Variants in ANKRD42 observed in about 807,000 individuals in gnomAD.
ANKRD42 encodes ankyrin repeat domain-containing protein 42.
ANKRD42 carries 43 observed loss-of-function variants against 51.5 expected under a neutral mutation model. That is an observed-to-expected ratio of 0.83 (90% CI 0.65 to 1.08). ANKRD42 has a LOEUF of 1.08. Among genes scored for constraint, ANKRD42 ranks in the 50% least tolerant of loss-of-function variants. The pLI, the probability that ANKRD42 is intolerant of heterozygous loss-of-function variation, is 0.00. For missense variants in ANKRD42, 608 were observed against 629.3 expected, an observed-to-expected ratio of 0.97 and a Z score of 0.36; for synonymous variants, 203 against 213.0, an observed-to-expected ratio of 0.95 and a Z score of 0.41.
chr11:83,230,255 G>C (rs1028198356), intron 7 of ANKRD42, among the ~76,000 whole-genome samples: 5 of 152,124 alleles, frequency 3.3e-5, no homozygotes, highest in African/African-American at 1.2e-4. Flanking sequence ...GTTTTGCCAT[G>C]TTGCCCAGGC....
chr11:83,204,069 A>G (rs1439240526), intron 2 of ANKRD42, among the ~76,000 whole-genome samples: 2 of 152,042 alleles, frequency 1.3e-5, no homozygotes, highest in African/African-American at 2.4e-5. Flanking sequence ...CAGCCTCTTG[A>G]GTGGCTGGTA....
intron 5 of ANKRD42, among the ~76,000 whole-genome samples, chr11:83,212,197 C>G (rs867793081): frequency 1.3e-5 from 2 of 152,200 alleles, no homozygotes; most frequent in Middle Eastern, 3.4e-3. Flanking sequence ...ATTCTTATGC[C>G]TCAGCGTCCT....
intron 5 of ANKRD42, among the ~76,000 whole-genome samples, chr11:83,220,162 G>T (rs1862673860): frequency 6.6e-6 from 1 of 152,162 alleles, no homozygotes; most frequent in Admixed American, 6.5e-5. Context: ...AGCACTCCCA[G>T]GTGTATTTTG....
downstream of ANKRD42, chr11:83,261,055 A>T (rs1278402): frequency 6.6e-6 from 1 of 152,074 alleles, no homozygotes; most frequent in Non-Finnish European, 1.5e-5. Context: ...AACTCTACAG[A>T]TTTCATATTA....
intron 5 of ANKRD42, among the ~76,000 whole-genome samples, chr11:83,224,107 C>T (rs1862800822): frequency 1.3e-5 from 2 of 151,312 alleles, no homozygotes. Flanking sequence ...TCTGTTATTT[C>T]CTGAAGGGCT....
At position 83,248,139 on chromosome 11, in the gene ANKRD42, T is replaced by C. The variant is rs1377012135; in HGVS notation, c.1519T>C (p.Trp507Arg). ...FIFLKKYIQE[W>R]PRVQALGWGS... ...TTTTCTCAAGAAGTATATACAAGAG[T>C]GGCCAAGAGTACAAGCTTTGGGCTG... The change falls in exon 11 of 11, where the codon TGG becomes CGG. Residue 507 changes from tryptophan (W) to arginine (R), a missense_variant. Physicochemically the swap from Trp to Arg is moderately radical, Grantham distance 101. Coordinates refer to ENST00000533342, the MANE Select transcript of ANKRD42 (RefSeq NM_001300975.2). The C allele has an allele frequency of 4.5e-6, 7 of 1,542,684 alleles. No homozygotes were observed. In the South Asian group the frequency reaches 8.3e-5, roughly 18 times the overall value.
chr11:83,196,032 A>G (rs1185102952), intron 1 of ANKRD42, among the ~76,000 whole-genome samples: 1 of 152,036 alleles, frequency 6.6e-6, no homozygotes, highest in African/African-American at 2.4e-5. Context: ...TTTTTAGTAG[A>G]AACGGAGTTT....
chr11:83,225,023 A>G lies in ANKRD42; in HGVS notation c.755A>G (p.Glu252Gly). Reference sequence around the variant, plus strand: ...ATTTTACAGTTTATCCAGGGGGCTGAGTATGAAGGAAAAGACCTAGAGGAT... The same window carrying G: ...ATTTTACAGTTTATCCAGGGGGCTGGGTATGAAGGAAAAGACCTAGAGGAT... ...QNILQFIQGA[E>G]YEGKDLEDQE... Residue 252 changes from glutamate to glycine, a missense_variant, in exon 6 of 11, where the codon GAG becomes GGG. Glu to Gly is a moderately conservative substitution (Grantham distance 98). Transcript: ENST00000533342. 1 of 1,612,958 alleles carries G rather than the reference A, an allele frequency of 6.2e-7. No homozygotes were observed.
At chr11:83,216,415 CT>C (rs1862533790) in intron 5 of ANKRD42, among the ~76,000 whole-genome samples, 2 of 152,180 alleles carry the variant, frequency 1.3e-5, no homozygotes, top group African/African-American at 4.8e-5. Context: ...GCTCCACCCC[CT>C]GGGGTTCACG....
chr11:83,198,462 A>C lies in ANKRD42; in HGVS notation c.59-17A>C. On this transcript the variant is annotated splice_polypyrimidine_tract_variant and intron_variant, in intron 1 of 10. Transcript: ENST00000533342. ...ATAGTTTTGTAGTACATTGTAAGTA[A>C]TTTGATTTTTCAATAGGTTCCAGGA... 1 of 1,601,552 alleles carries C rather than the reference A, an allele frequency of 6.2e-7. No individual in the cohort carries two copies. The highest frequency in any genetic ancestry group is 2.2e-5 in the East Asian group (1 of 44,598).
intron 3 of ANKRD42, chr11:83,209,904 A>G (rs1475132589): frequency 2.9e-5 from 12 of 409,738 alleles, no homozygotes; most frequent in Middle Eastern, 7.0e-4. Flanking sequence ...TCCAGAATAC[A>G]CTTGGCAGAT....
rs941070948 is a variant in ANKRD42, at chr11:83,248,492, A to C, written c.*288A>C. ...ATCAGAATTCTAAGACAGCTAGAGG[A>C]TATGTATATTTTAATATTCTAAATA... On this transcript the variant is annotated 3_prime_UTR_variant, in exon 11 of 11. Transcript: ENST00000533342. 3 of 1,075,028 alleles carry C rather than the reference A, an allele frequency of 2.8e-6. No homozygotes were observed. The highest frequency in any genetic ancestry group is 3.4e-6 in the Non-Finnish European group (3 of 888,408). 66.6% of individuals were successfully genotyped at this position (1,075,028 alleles called of 1,614,324 possible).
rs1302902443 is a variant in ANKRD42, at chr11:83,194,385, G to C, written c.-286G>C. 5 of 644,788 alleles carry C rather than the reference G, an allele frequency of 7.8e-6. No individual in the cohort carries two copies. The highest frequency in any genetic ancestry group is 3.6e-5 in the African/African-American group (2 of 56,026). The allele number at this position is 644,788 out of a possible 1,614,324, so 39.9% of individuals were successfully genotyped here. On this transcript the variant is annotated 5_prime_UTR_variant, in exon 1 of 11. Transcript: ENST00000533342. ...GCCACAGCGTTGGTAGTTCTTGGGA[G>C]GAAGTAAGTGGAGACCGCGGCTACG...
downstream of ANKRD42, among the ~76,000 whole-genome samples, chr11:83,251,264 C>T (rs1346255931): frequency 1.3e-5 from 2 of 152,156 alleles, no homozygotes; most frequent in African/African-American, 4.8e-5. Context: ...CACACGTGAT[C>T]TCTCCTTCTA....
rs576935406 is a variant in ANKRD42, at chr11:83,236,838, C to T, written c.1019+329C>T. Among the ~76,000 whole-genome samples, 11 of 152,284 alleles carry T rather than the reference C, an allele frequency of 7.2e-5. No homozygotes were observed. In the South Asian group the frequency reaches 2.3e-3, roughly 32 times the overall value. ...GCTAAATGTTCTGCAGTGCTCAGAA[C>T]AGTAATTCATGATTTGTCCCATCCA... On this transcript the variant is annotated intron_variant, in intron 8 of 10. Coordinates refer to ENST00000533342, the MANE Select transcript of ANKRD42 (RefSeq NM_001300975.2).
At chr11:83,263,958 TATAA>T (rs1864086990), downstream of ANKRD42, among the ~76,000 whole-genome samples, 3 of 152,028 alleles carry the variant, frequency 2.0e-5, no homozygotes, top group Non-Finnish European at 4.4e-5. Flanking sequence ...TGACTAAGAG[TATAA>T]ATCGGCAGTT....
intron 8 of ANKRD42, 89 bp from the exon 9 acceptor site, chr11:83,240,670 C>T: frequency 7.0e-7 from 1 of 1,430,004 alleles, no homozygotes; most frequent in Non-Finnish European, 9.6e-7. Flanking sequence ...GCAGGGTGTA[C>T]AGAGTGTAAT....
At chr11:83,216,992 G>A (rs1862561001) in intron 5 of ANKRD42, among the ~76,000 whole-genome samples, 1 of 146,622 alleles carries the variant, frequency 6.8e-6, no homozygotes, top group Non-Finnish European at 1.5e-5. Context: ...ATCTTTTTAG[G>A]CCAGTCGGAG....
downstream of ANKRD42, among the ~76,000 whole-genome samples, chr11:83,256,884 T>C (rs17144915): frequency 7.9e-3 from 1,198 of 152,288 alleles, 14 homozygotes; most frequent in African/African-American, 0.027. Flanking sequence ...CAGCTCTGCA[T>C]TGTTGTGTAA....
Sources: allele counts gnomAD v4.1 joint callset (sites outside exome capture counted in the v4.1 genomes callset), GRCh38; gene constraint gnomAD v4.1.1; transcripts MANE v1.5; gene names NCBI Gene and HGNC (gene_info 2026-07-23, HGNC 2026-07-21).